Variants in CRPPA observed in about 807,000 individuals in gnomAD.
CRPPA encodes CDP-L-ribitol pyrophosphorylase A.
A neutral mutation model predicts 52.0 loss-of-function variants in CRPPA; 43 were observed. That is an observed-to-expected ratio of 0.83 (90% CI 0.65 to 1.07). CRPPA has a LOEUF of 1.07. Ranked by LOEUF, CRPPA falls within the 50% of genes least tolerant of loss-of-function variation. CRPPA has a pLI of 0.00. For synonymous variants in CRPPA, 250 were observed against 203.5 expected (o/e 1.23, Z -1.94); for missense variants, 629 against 551.7 (o/e 1.14, Z -1.40).
intron 3 of CRPPA, among the ~76,000 whole-genome samples, chr7:16,342,756 G>T (rs367673796): frequency 1.1e-5 from 1 of 91,478 alleles, no homozygotes; most frequent in South Asian, 2.9e-4. Flanking sequence ...GATGAACCCT[G>T]TCTCCACAAA....
At chr7:16,331,850 C>G (rs1337222052) in intron 3 of CRPPA, among the ~76,000 whole-genome samples, 1 of 151,780 alleles carries the variant, frequency 6.6e-6, no homozygotes, top group Non-Finnish European at 1.5e-5. Context: ...TAATTAAGAG[C>G]TATAAAAGGT....
intron 2 of CRPPA, among the ~76,000 whole-genome samples, chr7:16,389,924 AAAAAATAT>A (rs1221460649): frequency 1.1e-4 from 7 of 62,566 alleles, no homozygotes; most frequent in African/African-American, 5.2e-4. Flanking sequence ...AAAAAAAAAA[AAAAAATAT>A]ATATATATAT....
intron 2 of CRPPA, among the ~76,000 whole-genome samples, chr7:16,390,225 G>C (rs1285699972): frequency 6.6e-6 from 1 of 151,544 alleles, no homozygotes; most frequent in Non-Finnish European, 1.5e-5. Context: ...ATTTAATTAT[G>C]CTTATTAATA....
intron 8 of CRPPA, among the ~76,000 whole-genome samples, chr7:16,226,614 C>T (rs1434549423): frequency 6.6e-6 from 1 of 151,794 alleles, no homozygotes; most frequent in Non-Finnish European, 1.5e-5. Flanking sequence ...ATCAGTTTAG[C>T]TATATTTCAA....
chr7:16,207,426 C>T (rs1162649899), intron 9 of CRPPA, among the ~76,000 whole-genome samples: 1 of 152,192 alleles, frequency 6.6e-6, no homozygotes, highest in Non-Finnish European at 1.5e-5. Context: ...TTCAAGTCCT[C>T]AAGCATGAAC....
At chr7:16,227,033 G>A (rs1782669960) in intron 8 of CRPPA, among the ~76,000 whole-genome samples, 1 of 151,792 alleles carries the variant, frequency 6.6e-6, no homozygotes, top group African/African-American at 2.4e-5. Flanking sequence ...TTAATATAAT[G>A]TCCTCCAGAT....
chr7:16,387,070 TATATATATATATATATACAC>T (rs1486203291), intron 2 of CRPPA, among the ~76,000 whole-genome samples: 951 of 67,578 alleles, frequency 0.014, 24 homozygotes, highest in South Asian at 0.017. Flanking sequence ...TATATATATA[TATATATATATATATATACAC>T]ACATATATAT....
chr7:16,254,796 A>AGAAAGAAAGAAG (rs1554299375), intron 8 of CRPPA, among the ~76,000 whole-genome samples: 41 of 49,622 alleles, frequency 8.3e-4, no homozygotes, highest in African/African-American at 2.8e-3. Context: ...AAAGAAGGAA[A>AGAAAGAAAGAAG]GAAAGAAAGA....
rs751232682 is a variant in CRPPA, at chr7:16,239,559, C to CAAAAAAAAA, written c.1119+18822_1119+18830dup. On this transcript the variant is annotated intron_variant, in intron 8 of 9. Transcript: ENST00000407010. Reference sequence around the variant, plus strand: ...CCATTATTTAAATAGAAGTCAATAGCAAAAAAAAAAAAAAAAAAAAAAAAA... The same window carrying CAAAAAAAAA: ...CCATTATTTAAATAGAAGTCAATAGCAAAAAAAAAAAAAAAAAAAAAAAAAAAAAAAAAA... 5.7e-4 allele frequency among the ~76,000 whole-genome samples: 27 copies of CAAAAAAAAA among 47,596 alleles called. 1 individual carries two copies. Among genetic ancestry groups the CAAAAAAAAA allele is most frequent in the East Asian group, 4.3e-3 (5 of 1,156 alleles). 31.2% of individuals were successfully genotyped at this position (47,596 alleles called of 152,430 possible).
chr7:16,376,790 G>T (rs978338981), intron 2 of CRPPA, among the ~76,000 whole-genome samples: 123 of 152,266 alleles, frequency 8.1e-4, no homozygotes, highest in African/African-American at 2.9e-3. Context: ...GCTTCCTCAG[G>T]CAATACCCAT....
At chr7:16,368,388 A>G (rs888093307) in intron 3 of CRPPA, among the ~76,000 whole-genome samples, 1 of 152,250 alleles carries the variant, frequency 6.6e-6, no homozygotes, top group African/African-American at 2.4e-5. Context: ...TCTTAATAAA[A>G]TAAAACTGAA....
intron 9 of CRPPA, among the ~76,000 whole-genome samples, chr7:16,168,336 A>G (rs1201461228): frequency 6.6e-6 from 1 of 152,160 alleles, no homozygotes; most frequent in Admixed American, 6.5e-5. Context: ...GTGCATAGGG[A>G]CATATAAGGA....
chr7:16,224,767 T>G (rs1366237549), intron 8 of CRPPA, among the ~76,000 whole-genome samples: 1 of 152,182 alleles, frequency 6.6e-6, no homozygotes, highest in Non-Finnish European at 1.5e-5. Flanking sequence ...ATATTTGATC[T>G]GAAGGATTAG....
At chr7:16,227,983 A>G (rs1458129058) in intron 8 of CRPPA, among the ~76,000 whole-genome samples, 1 of 151,916 alleles carries the variant, frequency 6.6e-6, no homozygotes, top group Non-Finnish European at 1.5e-5. Flanking sequence ...TCCCAACAAC[A>G]TTTATTGAAG....
intron 3 of CRPPA, among the ~76,000 whole-genome samples, chr7:16,316,929 C>T (rs1057217806): frequency 2.6e-5 from 4 of 152,084 alleles, no homozygotes; most frequent in South Asian, 2.1e-4. Flanking sequence ...TGTATTATTG[C>T]TATATTATAA....
At chr7:16,380,745 C>G (rs1258518696) in intron 2 of CRPPA, among the ~76,000 whole-genome samples, 1 of 152,148 alleles carries the variant, frequency 6.6e-6, no homozygotes, top group East Asian at 1.9e-4. Flanking sequence ...AGGAATTTAT[C>G]CATTTCTTCT....
At chr7:16,108,587 C>T (rs1259151972) in intron 9 of CRPPA, among the ~76,000 whole-genome samples, 1 of 151,888 alleles carries the variant, frequency 6.6e-6, no homozygotes, top group Non-Finnish European at 1.5e-5. Context: ...TATACTTGAA[C>T]AATACTTTAG....
At chr7:16,141,539 C>T (rs1322044808) in intron 9 of CRPPA, among the ~76,000 whole-genome samples, 4 of 152,136 alleles carry the variant, frequency 2.6e-5, no homozygotes, top group African/African-American at 9.7e-5. Context: ...ACTATTAAAA[C>T]ATTTCATTTT....
At chr7:16,383,129 A>G (rs1182486246) in intron 2 of CRPPA, among the ~76,000 whole-genome samples, 2 of 151,862 alleles carry the variant, frequency 1.3e-5, no homozygotes, top group African/African-American at 2.4e-5. Context: ...GGTTTTATCT[A>G]CTTTTGGTCT....
Sources: gnomAD v4.1 joint callset for allele counts (sites outside exome capture counted in the v4.1 genomes callset) on GRCh38, gnomAD v4.1.1 for gene constraint, MANE v1.5 for transcripts, NCBI Gene and HGNC (gene_info 2026-07-23, HGNC 2026-07-21) for gene names.